Variants in PTPRN2 observed in about 807,000 individuals in gnomAD.
The protein encoded by PTPRN2 is protein tyrosine phosphatase receptor type N2, also known as receptor-type tyrosine-protein phosphatase N2.
A neutral mutation model predicts 118.8 loss-of-function variants in PTPRN2; 74 were observed. The ratio of observed to expected loss-of-function variants is 0.62; its 90% CI spans 0.52 to 0.76. The LOEUF is 0.76. PTPRN2 is among the 30% of genes least tolerant of loss of function. The pLI is 0.00. For missense variants in PTPRN2, 1,481 were observed against 1,394.4 expected (o/e 1.06, Z -0.99); for synonymous variants, 641 against 608.0 (o/e 1.05, Z -0.80).
rs182315850 is a variant in PTPRN2, at chr7:157,578,442, C to T, written c.2497-302G>A. Among the ~76,000 whole-genome samples the T allele has an allele frequency of 2.7e-3, 411 of 152,288 alleles. 3 individuals carry two copies. Among genetic ancestry groups the T allele is most frequent in the Non-Finnish European group, 4.7e-3 (318 of 68,014 alleles). ...TCTGATCTGTAAAGGAAACTTTCTA[C>T]AACGCCACACATAACAGCCAGCACT... On this transcript the variant is annotated intron_variant, in intron 17 of 22. Transcript: ENST00000389418.
intron 12 of PTPRN2, among the ~76,000 whole-genome samples, chr7:157,817,346 T>C (rs541413897): frequency 2.8e-4 from 42 of 152,180 alleles, no homozygotes; most frequent in African/African-American, 1.0e-3. Flanking sequence ...CAGGAAACCA[T>C]GACAAACCCC....
chr7:157,549,101 C>A, intron 21 of PTPRN2, 82 bp from the exon 22 acceptor site: 1 of 1,366,546 alleles, frequency 7.3e-7, no homozygotes, highest in East Asian at 2.3e-5. Flanking sequence ...TAGCCACGTT[C>A]CCTCTGGGCT....
At chr7:158,053,884 GAGA>G (rs1809543741) in intron 11 of PTPRN2, among the ~76,000 whole-genome samples, 3 of 150,724 alleles carry the variant, frequency 2.0e-5, no homozygotes, top group Non-Finnish European at 4.4e-5. Context: ...CAGAGATGCA[GAGA>G]CCCCAGAGAT....
chr7:157,744,279 C>T (rs1468579), intron 12 of PTPRN2, among the ~76,000 whole-genome samples: 28,668 of 152,076 alleles, frequency 0.19, 3,285 homozygotes, highest in Non-Finnish European at 0.26. Context: ...GGGGTGAACA[C>T]AGCAGCTCTC....
At chr7:157,783,496 A>G (rs541292855) in intron 12 of PTPRN2, among the ~76,000 whole-genome samples, 1 of 149,312 alleles carries the variant, frequency 6.7e-6, no homozygotes, top group South Asian at 2.2e-4. Context: ...AATCCTGAAC[A>G]TTACCTTGTG....
intron 1 of PTPRN2, among the ~76,000 whole-genome samples, chr7:158,519,385 TATAA>T (rs1823817630): frequency 6.6e-6 from 1 of 152,152 alleles, no homozygotes. Flanking sequence ...AGAATTAGTC[TATAA>T]ATAAGTAAAG....
At chr7:157,888,316 C>T (rs751887693) in intron 12 of PTPRN2, among the ~76,000 whole-genome samples, 89 of 152,106 alleles carry the variant, frequency 5.9e-4, no homozygotes, top group Non-Finnish European at 1.1e-3. Context: ...CCCAAGGAAC[C>T]CCGTGAACTC....
At chr7:158,007,103 C>T (rs920359898) in intron 11 of PTPRN2, among the ~76,000 whole-genome samples, 4 of 152,212 alleles carry the variant, frequency 2.6e-5, no homozygotes, top group African/African-American at 9.6e-5. Flanking sequence ...TCTCCAGTGT[C>T]TCTTCTTTCA....
intron 12 of PTPRN2, among the ~76,000 whole-genome samples, chr7:157,872,675 C>T (rs1241740210): frequency 1.3e-5 from 2 of 152,276 alleles, no homozygotes; most frequent in African/African-American, 4.8e-5. Context: ...GCCCAGGCCG[C>T]CTGTCCAACT....
At chr7:158,222,629 T>C (rs560039263) in intron 3 of PTPRN2, among the ~76,000 whole-genome samples, 1 of 152,198 alleles carries the variant, frequency 6.6e-6, no homozygotes, top group Non-Finnish European at 1.5e-5. Flanking sequence ...CTAGGTTCAC[T>C]ACCTGGGTGG....
intron 1 of PTPRN2, among the ~76,000 whole-genome samples, chr7:158,518,586 C>T (rs1029381552): frequency 1.3e-5 from 2 of 152,054 alleles, no homozygotes; most frequent in Non-Finnish European, 1.5e-5. Context: ...ATTACCAGGA[C>T]GGCATGACCA....
chr7:157,984,112 C>T (rs1803529216), intron 11 of PTPRN2, among the ~76,000 whole-genome samples: 1 of 152,114 alleles, frequency 6.6e-6, no homozygotes, highest in African/African-American at 2.4e-5. Context: ...AGCCGGGAAC[C>T]CAGCAGCCTT....
At chr7:157,761,196 G>T (rs1362916450) in intron 12 of PTPRN2, among the ~76,000 whole-genome samples, 4 of 151,890 alleles carry the variant, frequency 2.6e-5, no homozygotes, top group Admixed American at 2.6e-4. Context: ...TAGATTCAAT[G>T]CCATCCCCAT....
Position 157,787,716 on chromosome 7 carries a change from T to C in PTPRN2, c.1789-104779A>G, listed in dbSNP as rs962311447. Among the ~76,000 whole-genome samples the C allele has an allele frequency of 1.3e-5, 2 of 152,180 alleles. No homozygotes were observed. The highest frequency in any genetic ancestry group is 4.8e-5 in the African/African-American group (2 of 41,446). ...GGGTGGTGTTTGAGCTGGTGCCATCTGGGTCCCCTGGGGTGGTGGCTGGGT... is the reference window on the plus strand; with the variant it reads ...GGGTGGTGTTTGAGCTGGTGCCATCCGGGTCCCCTGGGGTGGTGGCTGGGT... On this transcript the variant is annotated intron_variant, in intron 12 of 22. Coordinates refer to ENST00000389418, the MANE Select transcript of PTPRN2 (RefSeq NM_002847.5). This position sits in a 1 kb window ranked among gnomAD's most constrained non-coding sequence, Gnocchi z 5.3.
intron 2 of PTPRN2, among the ~76,000 whole-genome samples, chr7:158,442,126 AGTGATGGTGGTGGCAGTGGTG>A (rs879730243): frequency 4.6e-4 from 60 of 131,838 alleles, no homozygotes; most frequent in Non-Finnish European, 9.3e-4. Context: ...TGGTGGTGAT[AGTGATGGTGGTGGCAGTGGTG>A]GTGATGGTGA....
intron 6 of PTPRN2, among the ~76,000 whole-genome samples, chr7:158,155,336 C>T (rs1242066065): frequency 6.6e-6 from 1 of 152,212 alleles, no homozygotes; most frequent in East Asian, 1.9e-4. Flanking sequence ...CAATGGGAAT[C>T]ATGCACAACA....
At chr7:157,654,736 T>C (rs1448682883) in intron 14 of PTPRN2, among the ~76,000 whole-genome samples, 2 of 152,216 alleles carry the variant, frequency 1.3e-5, no homozygotes, top group African/African-American at 4.8e-5. Flanking sequence ...CCAAACACAA[T>C]TCTCTGAGAA....
intron 6 of PTPRN2, among the ~76,000 whole-genome samples, chr7:158,161,539 A>G (rs1822355205): frequency 6.6e-6 from 1 of 152,238 alleles, no homozygotes; most frequent in African/African-American, 2.4e-5. Context: ...ACATGTACAG[A>G]AACAATTCCA....
chr7:158,272,834 G>A (rs1208957079), intron 3 of PTPRN2, among the ~76,000 whole-genome samples: 1 of 152,208 alleles, frequency 6.6e-6, no homozygotes, highest in Non-Finnish European at 1.5e-5. Context: ...AGGTGGGAAG[G>A]CTGAGTGGAT....
Sources: allele counts gnomAD v4.1 joint callset (sites outside exome capture counted in the v4.1 genomes callset), GRCh38; gene constraint gnomAD v4.1.1; non-coding constraint Gnocchi (gnomAD v3.1); transcripts MANE v1.5; gene names NCBI Gene and HGNC (gene_info 2026-07-23, HGNC 2026-07-21).